The following PCDHGB5 variants were observed in gnomAD, a reference collection of about 807,000 sequenced individuals.
PCDHGB5 encodes protocadherin gamma-B5.
A neutral mutation model predicts 62.9 loss-of-function variants in PCDHGB5; 48 were observed. The observed-to-expected ratio is 0.76, with a 90% CI of 0.61 to 0.97. The LOEUF (loss-of-function observed/expected upper bound fraction) is 0.97, where lower values mean the gene tolerates loss of function less well. Among genes scored for constraint, PCDHGB5 ranks in the 50% least tolerant of loss-of-function variants. PCDHGB5 has a pLI of 0.00. For synonymous variants in PCDHGB5, 474 were observed against 511.2 expected (o/e 0.93, Z 0.98); for missense variants, 1,118 against 1,198.6 (o/e 0.93, Z 0.99).
intron 1 of PCDHGB5, among the ~76,000 whole-genome samples, chr5:141,443,592 G>A (rs2098395439): frequency 6.6e-6 from 1 of 152,076 alleles, no homozygotes; most frequent in Admixed American, 6.6e-5. Context: ...AACAGAATGT[G>A]GTATATGAAA....
intron 1 of PCDHGB5, among the ~76,000 whole-genome samples, chr5:141,407,024 A>G (rs909800590): frequency 6.6e-6 from 1 of 152,232 alleles, no homozygotes; most frequent in Non-Finnish European, 1.5e-5. Context: ...TCAAAATTCT[A>G]TGCTAAACAT....
intron 1 of PCDHGB5, among the ~76,000 whole-genome samples, chr5:141,436,521 C>T (rs2097829891): frequency 6.6e-6 from 1 of 152,086 alleles, no homozygotes; most frequent in African/African-American, 2.4e-5. Flanking sequence ...AACTGTGTCA[C>T]CTTTAGCAAG....
At position 141,477,272 on chromosome 5, in the gene PCDHGB5, C is replaced by G. The variant is rs2099408579; in HGVS notation, c.2398-17535C>G. The G allele has an allele frequency of 1.2e-6, 2 of 1,614,090 alleles. No homozygotes were observed. The highest frequency in any genetic ancestry group is 1.7e-6 in the Non-Finnish European group (2 of 1,180,048). Reference sequence around the variant, plus strand: ...TGACCTGGATGCTGGCGAGAACGGGCTGGTGACCTGCGAAGTTCCACCGGG... The same window carrying G: ...TGACCTGGATGCTGGCGAGAACGGGGTGGTGACCTGCGAAGTTCCACCGGG... On this transcript the variant is annotated intron_variant, in intron 1 of 3. Coordinates refer to ENST00000617380, the MANE Select transcript of PCDHGB5 (RefSeq NM_018925.3). This position sits in a 1 kb window ranked among gnomAD's most constrained non-coding sequence, Gnocchi z 4.9.
Position 141,398,344 on chromosome 5 carries a change from C to T in PCDHGB5, c.217C>T (p.Pro73Ser), listed in dbSNP as rs901692894. ...AAAACTGCGCGTCAGTTCGGAGAAGCCTTACTTCACCGTGAGCGCAGAGAG... is the reference window on the plus strand; with the variant it reads ...AAAACTGCGCGTCAGTTCGGAGAAGTCTTACTTCACCGTGAGCGCAGAGAG... Reference protein sequence around the residue: ...TRKLRVSSEKPYFTVSAESGE... With the variant: ...TRKLRVSSEKSYFTVSAESGE... Residue 73 changes from proline to serine, a missense_variant, in exon 1 of 4, where the codon CCT becomes TCT. By Grantham distance (74) the Pro-to-Ser change is moderately conservative. Around this residue, in one of 2 missense-constraint regions of PCDHGB5, gnomAD observed 84 missense variants for 169.5 expected, o/e 0.50. Transcript: ENST00000617380. 2 of 1,372,186 alleles carry T rather than the reference C, an allele frequency of 1.5e-6. No individual in the cohort carries two copies. Among genetic ancestry groups the T allele is most frequent in the Non-Finnish European group, 2.0e-6 (2 of 987,334 alleles). The allele number at this position is 1,372,186 out of a possible 1,614,324, so 85.0% of individuals were successfully genotyped here. A position where few individuals can be genotyped will look rare whatever the true frequency, so the allele number is the denominator to read the frequency against.
At chr5:141,418,530 G>C in intron 1 of PCDHGB5, 1 of 1,613,952 alleles carries the variant, frequency 6.2e-7, no homozygotes, top group Non-Finnish European at 8.5e-7. Flanking sequence ...CCCCGAAGCG[G>C]TACTGCTCAG....
At position 141,473,164 on chromosome 5, in the gene PCDHGB5, G is replaced by A. The variant is rs190029663; in HGVS notation, c.2398-21643G>A. Among the ~76,000 whole-genome samples the A allele has an allele frequency of 1.6e-3, 241 of 152,250 alleles. 5 individuals carry two copies. The highest frequency in any genetic ancestry group is 2.1e-4 in the Non-Finnish European group (14 of 68,014). ...TCTTCAGATCACTAGGGCTAGGAAG[G>A]CCCACTGGTAACTTGAAGGAGTAAA... On this transcript the variant is annotated intron_variant, in intron 1 of 3. Transcript: ENST00000617380.
intron 1 of PCDHGB5, among the ~76,000 whole-genome samples, chr5:141,463,618 T>G (rs2099065558): frequency 6.6e-6 from 1 of 151,792 alleles, no homozygotes; most frequent in African/African-American, 2.4e-5. Context: ...CCGGCTAATT[T>G]TTTGTATTTT....
Position 141,481,556 on chromosome 5 carries a change from G to A in PCDHGB5, c.2398-13251G>A, listed in dbSNP as rs553126587. Among the ~76,000 whole-genome samples the A allele has an allele frequency of 1.2e-4, 18 of 152,266 alleles. No homozygotes were observed. The South Asian group carries it at 1.4e-3, about 12-fold the overall frequency. On this transcript the variant is annotated intron_variant, in intron 1 of 3. Coordinates refer to ENST00000617380, the MANE Select transcript of PCDHGB5 (RefSeq NM_018925.3). ...GATGGGGCTGGGCTCAGTGGCTCAC[G>A]CCTGTAATCCCAGTACTTAGGGAGG...
At chr5:141,458,694 C>G (rs905547768) in intron 1 of PCDHGB5, among the ~76,000 whole-genome samples, 1 of 152,136 alleles carries the variant, frequency 6.6e-6, no homozygotes, top group East Asian at 1.9e-4. Context: ...CTCAGCCTCC[C>G]GAGTAGCTGG....
intron 1 of PCDHGB5, chr5:141,440,247 T>C (rs1158469276): frequency 1.3e-5 from 2 of 152,296 alleles, no homozygotes; most frequent in Non-Finnish European, 2.9e-5. Context: ...GGCGAGCAGA[T>C]TACGAGGTCA....
At position 141,398,267 on chromosome 5, in the gene PCDHGB5, T is replaced by G. The variant is rs757957397; in HGVS notation, c.140T>G (p.Val47Gly). ...GAGGAAATGCCCAAGGGCTCCGTAG[T>G]GGGGAACCTCGCCACGGACCTGGGG... ...IPEEMPKGSVVGNLATDLGFS... is the reference protein window; with the variant it reads ...IPEEMPKGSVGGNLATDLGFS... The change falls in exon 1 of 4, where the codon GTG (valine) becomes GGG (glycine). Residue 47 changes from valine to glycine, a missense_variant. Physicochemically the swap from Val to Gly is moderately radical, Grantham distance 109 (BLOSUM62 -3). Transcript: ENST00000617380. 2 of 1,435,108 alleles carry G rather than the reference T, an allele frequency of 1.4e-6. No homozygotes were observed. The highest frequency in any genetic ancestry group is 2.5e-5 in the East Asian group (1 of 40,466). 88.9% of individuals were successfully genotyped at this position (1,435,108 alleles called of 1,614,324 possible).
At chr5:141,509,216 T>C (rs2099875781) in intron 3 of PCDHGB5, among the ~76,000 whole-genome samples, 1 of 152,124 alleles carries the variant, frequency 6.6e-6, no homozygotes, top group South Asian at 2.1e-4. Flanking sequence ...TATTTCTCAA[T>C]CCCTGGTTGA....
intron 1 of PCDHGB5, chr5:141,426,221 A>G (rs1279749881): frequency 6.3e-6 from 1 of 158,300 alleles, no homozygotes; most frequent in Non-Finnish European, 1.4e-5. Context: ...GGAAGTAAAT[A>G]TTTTAAAAGC....
chr5:141,466,039 A>G (rs926979550), intron 1 of PCDHGB5, among the ~76,000 whole-genome samples: 1 of 152,122 alleles, frequency 6.6e-6, no homozygotes, highest in Non-Finnish European at 1.5e-5. Context: ...GGAGAACGGC[A>G]TGAACCCAGG....
intron 1 of PCDHGB5, chr5:141,403,391 G>C (rs1182066905): frequency 6.2e-7 from 1 of 1,614,046 alleles, no homozygotes; most frequent in East Asian, 2.2e-5. Flanking sequence ...CGAAATCGCG[G>C]TTCCTGGAGC....
At position 141,491,692 on chromosome 5, in the gene PCDHGB5, C is replaced by T. The variant is rs749349869; in HGVS notation, c.2398-3115C>T. On this transcript the variant is annotated intron_variant, in intron 1 of 3. Coordinates refer to ENST00000617380, the MANE Select transcript of PCDHGB5 (RefSeq NM_018925.3). This position sits in a 1 kb window ranked among gnomAD's most constrained non-coding sequence, Gnocchi z 6.9. ...GTCCCGCTCTAATACGCTGCGGGAG[C>T]GGAGCCAGGTGAGGGGCTCGGCGCC... is the stretch of plus-strand genomic sequence containing the variant. 1 of 1,612,594 alleles carries T rather than the reference C, an allele frequency of 6.2e-7. No homozygotes were observed. The highest frequency in any genetic ancestry group is 8.5e-7 in the Non-Finnish European group (1 of 1,179,340).
chr5:141,417,185 A>C (rs2096092787), intron 1 of PCDHGB5: 1 of 152,216 alleles, frequency 6.6e-6, no homozygotes, highest in Admixed American at 6.5e-5. Context: ...AGGAATTATT[A>C]CTTTCTGGGT....
rs375363587 is a variant in PCDHGB5 at position 141,414,524 on chromosome 5, A to G, written c.2397+14000A>G. On this transcript the variant is annotated intron_variant, in intron 1 of 3. Coordinates refer to ENST00000617380, the MANE Select transcript of PCDHGB5 (RefSeq NM_018925.3). ...TTTATGCTACAAGTGGCAGATATCA[A>G]TGACAACCCACCTACCTTCTCTCAA... 105 of 1,613,844 alleles carry G rather than the reference A, an allele frequency of 6.5e-5. 1 individual carries two copies. In the South Asian group the frequency reaches 7.2e-4, roughly 11 times the overall value.
At chr5:141,449,723 GA>G (rs1432635918) in intron 1 of PCDHGB5, among the ~76,000 whole-genome samples, 2 of 150,880 alleles carry the variant, frequency 1.3e-5, no homozygotes, top group Admixed American at 6.6e-5. Flanking sequence ...TATATGATAT[GA>G]TTTTTTTATG....
Sources: allele counts gnomAD v4.1 joint callset (sites outside exome capture counted in the v4.1 genomes callset), GRCh38; gene constraint gnomAD v4.1.1; regional missense constraint gnomAD v4.1.1; non-coding constraint Gnocchi (gnomAD v3.1); transcripts MANE v1.5; gene names NCBI Gene and HGNC (gene_info 2026-07-23, HGNC 2026-07-21).